Variants in CPSF4L observed in about 807,000 individuals in gnomAD.
The protein encoded by CPSF4L is cleavage and polyadenylation specific factor 4 like, also known as putative cleavage and polyadenylation specificity factor subunit 4-like protein.
In CPSF4L, 18 loss-of-function variants were observed where a neutral mutation model predicts 24.0. The ratio of observed to expected loss-of-function variants is 0.75; its 90% CI spans 0.52 to 1.11. The LOEUF is 1.11. Among genes scored for constraint, CPSF4L ranks in the 50% least tolerant of loss-of-function variants. The pLI is 0.00. For synonymous variants in CPSF4L, 72 were observed against 77.2 expected (o/e 0.93, Z 0.35); for missense variants, 211 against 221.8 (o/e 0.95, Z 0.31).
Position 73,248,477 on chromosome 17 carries a change from T to C in CPSF4L, c.*17A>G, listed in dbSNP as rs2061982706. On this transcript the variant is annotated 3_prime_UTR_variant, in exon 6 of 6. Coordinates refer to ENST00000344935, the MANE Select transcript of CPSF4L (RefSeq NM_001129885.1). ...TGTCTGTGGCATTGGAGTGCCCCGC[T>C]AGGTAAGAAGCAACGCTTAGATCTT... The C allele has an allele frequency of 6.4e-7, 1 of 1,551,432 alleles. No individual in the cohort carries two copies. Among genetic ancestry groups the C allele is most frequent in the Non-Finnish European group, 8.7e-7 (1 of 1,146,752 alleles).
In CPSF4L at chr17:73,248,514, G is replaced by A. The variant is rs1238821917; in HGVS notation, c.520C>T (p.Leu174=). ...FAQKIREFKL[L]PGSKI ...AACGCTTAGATCTTGCTTCCAGGCA[G>A]CAGCTTGAATTCCCGAATCTTCCTG... Residue 174 remains leucine, a synonymous_variant, in exon 6 of 6, where the codon CTG becomes TTG. Transcript: ENST00000344935. The A allele has an allele frequency of 1.3e-6, 2 of 1,551,584 alleles. No homozygotes were observed. Among genetic ancestry groups the A allele is most frequent in the Non-Finnish European group, 8.7e-7 (1 of 1,146,988 alleles).
chr17:73,263,497 G>T (rs991133129), upstream of CPSF4L, among the ~76,000 whole-genome samples: 1 of 152,202 alleles, frequency 6.6e-6, no homozygotes, highest in Admixed American at 6.5e-5. Flanking sequence ...TGATGATGGG[G>T]AGAGAATGTT....
downstream of CPSF4L, among the ~76,000 whole-genome samples, chr17:73,246,615 T>C (rs1242449909): frequency 6.6e-6 from 1 of 152,214 alleles, no homozygotes; most frequent in Non-Finnish European, 1.5e-5. Flanking sequence ...TTCTCAAAGC[T>C]GGAATGCTGG....
downstream of CPSF4L, among the ~76,000 whole-genome samples, chr17:73,243,548 CTT>C (rs111267869): frequency 1.6e-4 from 21 of 135,044 alleles, no homozygotes; most frequent in Admixed American, 3.0e-4. Context: ...TTCATGTTGT[CTT>C]TTTTTTTTTT....
chr17:73,244,455 C>G (rs1028970039), downstream of CPSF4L: 1 of 144,058 alleles, frequency 6.9e-6, no homozygotes, highest in South Asian at 2.3e-4. Context: ...CCCAGCTACT[C>G]GGGAGGCTGA....
intron 5 of CPSF4L, chr17:73,250,376 G>A (rs2062000197): frequency 6.6e-7 from 1 of 1,514,614 alleles, no homozygotes; most frequent in Admixed American, 2.0e-5. Context: ...GGAACCATAG[G>A]AGATGGTTAG....
chr17:73,249,404 TAG>T (rs1396803662), intron 5 of CPSF4L, among the ~76,000 whole-genome samples: 1 of 152,076 alleles, frequency 6.6e-6, no homozygotes, highest in Non-Finnish European at 1.5e-5. Context: ...GGGCTTGAGG[TAG>T]AGTGATTTGC....
At chr17:73,256,769 A>G (rs2062025991) in intron 3 of CPSF4L, among the ~76,000 whole-genome samples, 1 of 152,180 alleles carries the variant, frequency 6.6e-6, no homozygotes, top group African/African-American at 2.4e-5. Flanking sequence ...GCTCACACCA[A>G]TAATCCCAGC....
At chr17:73,262,797 C>T (rs373433684), upstream of CPSF4L, among the ~76,000 whole-genome samples, 22 of 152,208 alleles carry the variant, frequency 1.4e-4, no homozygotes, top group Non-Finnish European at 2.8e-4. Flanking sequence ...AGAACCCATA[C>T]GCCCTCCTTT....
At chr17:73,261,914 G>A, upstream of CPSF4L, 1 of 878,416 alleles carries the variant, frequency 1.1e-6, no homozygotes. Flanking sequence ...AGCGCCCAAT[G>A]CCTCCCCCTT....
At position 73,252,731 on chromosome 17, in the gene CPSF4L, G is replaced by A; in HGVS notation, c.404-8C>T. On this transcript the variant is annotated splice_polypyrimidine_tract_variant and splice_region_variant and intron_variant, in intron 4 of 5. Transcript: ENST00000344935. ...GGTATTTACACAGAGGACCTGCTGA[G>A]CAAAGAGAAAGTGATGAGAAGGATC... 4 of 1,538,040 alleles carry A rather than the reference G, an allele frequency of 2.6e-6. No individual in the cohort carries two copies. The highest frequency in any genetic ancestry group is 3.5e-6 in the Non-Finnish European group (4 of 1,136,942).
the CPSF4L span, chr17:73,242,945 C>T: frequency 2.5e-6 from 4 of 1,614,050 alleles, no homozygotes; most frequent in Admixed American, 6.7e-5. Flanking sequence ...TCGGTGGCAT[C>T]ACGATGCTCT....
intron 5 of CPSF4L, chr17:73,248,864 T>C: frequency 3.6e-6 from 1 of 278,004 alleles, no homozygotes; most frequent in Non-Finnish European, 6.8e-6. Flanking sequence ...AAAAATAAAA[T>C]CATTTTATTA....
chr17:73,261,530 G>A (rs7216348), intron 1 of CPSF4L, among the ~76,000 whole-genome samples, 186 bp downstream of exon 1: 50,490 of 151,908 alleles, frequency 0.33, 9,139 homozygotes, highest in Non-Finnish European at 0.42. Context: ...GCGTGGTGGC[G>A]GGCGCCTGTA....
downstream of CPSF4L, chr17:73,244,597 TG>T (rs771837493): frequency 1.6e-4 from 24 of 150,042 alleles, no homozygotes; most frequent in East Asian, 2.3e-3. Flanking sequence ...CCAGTATTTT[TG>T]TACAATTAAA....
At chr17:73,261,531 G>C (rs529272728) in intron 1 of CPSF4L, among the ~76,000 whole-genome samples, 185 bp downstream of exon 1, 1 of 152,180 alleles carries the variant, frequency 6.6e-6, no homozygotes, top group Non-Finnish European at 1.5e-5. Context: ...CGTGGTGGCG[G>C]GCGCCTGTAG....
downstream of CPSF4L, among the ~76,000 whole-genome samples, chr17:73,244,180 T>C (rs1035597265): frequency 1.3e-5 from 2 of 152,250 alleles, no homozygotes; most frequent in African/African-American, 4.8e-5. Context: ...ATTAAAAAAA[T>C]CCTTCTAGTT....
intron 5 of CPSF4L, chr17:73,249,866 ATT>A: frequency 5.8e-6 from 1 of 172,174 alleles, no homozygotes; most frequent in Non-Finnish European, 1.2e-5. Context: ...AAAGAAAGCC[ATT>A]TGAGTTAATT....
downstream of CPSF4L, chr17:73,248,447 T>G (rs1391040713): frequency 4.6e-6 from 7 of 1,526,246 alleles, no homozygotes; most frequent in Non-Finnish European, 6.2e-6. Flanking sequence ...AGTCGTGTTC[T>G]GCCCTGTCTG....
Sources: gnomAD v4.1 joint callset for allele counts (sites outside exome capture counted in the v4.1 genomes callset) on GRCh38, gnomAD v4.1.1 for gene constraint, MANE v1.5 for transcripts, NCBI Gene and HGNC (gene_info 2026-07-23, HGNC 2026-07-21) for gene names.